Variants in GABRG3 observed in about 807,000 individuals in gnomAD.
The protein encoded by GABRG3 is gamma-aminobutyric acid type A receptor subunit gamma3.
A neutral mutation model predicts 48.8 loss-of-function variants in GABRG3; 25 were observed. That is an observed-to-expected ratio of 0.51 (90% CI 0.37 to 0.72). The LOEUF is 0.72. Among genes scored for constraint, GABRG3 ranks in the 30% least tolerant of loss-of-function variants. The pLI is 0.00. For missense variants in GABRG3, 394 were observed against 577.9 expected (o/e 0.68, Z 3.26); for synonymous variants, 227 against 217.6 (o/e 1.04, Z -0.38).
chr15:27,171,110 A>C (rs1183268384), intron 3 of GABRG3, among the ~76,000 whole-genome samples: 1 of 152,168 alleles, frequency 6.6e-6, no homozygotes, highest in Non-Finnish European at 1.5e-5. Context: ...CACAGCCATG[A>C]TGCTCAGGTT....
At chr15:27,218,968 C>T (rs1313621348) in intron 3 of GABRG3, among the ~76,000 whole-genome samples, 2 of 152,266 alleles carry the variant, frequency 1.3e-5, no homozygotes, top group Middle Eastern at 3.4e-3. Flanking sequence ...CCCCTGGTCT[C>T]CTCTCTCCCT....
At chr15:27,126,983 G>C (rs1243692491) in intron 3 of GABRG3, among the ~76,000 whole-genome samples, 1 of 152,124 alleles carries the variant, frequency 6.6e-6, no homozygotes, top group Non-Finnish European at 1.5e-5. Context: ...CATGGCCAGC[G>C]GAGAGATTGG....
intron 5 of GABRG3, among the ~76,000 whole-genome samples, chr15:27,455,082 T>C (rs1053846423): frequency 5.3e-5 from 8 of 152,240 alleles, no homozygotes; most frequent in African/African-American, 1.9e-4. Flanking sequence ...ATAATGTTCT[T>C]CCTGAGGCCT....
At chr15:27,368,894 A>G (rs185421206) in intron 5 of GABRG3, among the ~76,000 whole-genome samples, 21 of 152,312 alleles carry the variant, frequency 1.4e-4, no homozygotes, top group South Asian at 8.3e-4. Flanking sequence ...GCCTCTCCCA[A>G]TGAAGCTCCA....
intron 5 of GABRG3, among the ~76,000 whole-genome samples, chr15:27,396,638 C>A (rs1480286413): frequency 2.0e-5 from 3 of 152,146 alleles, no homozygotes; most frequent in Admixed American, 6.5e-5. Flanking sequence ...ATTCTCATTT[C>A]TAGGAAATGG....
intron 3 of GABRG3, among the ~76,000 whole-genome samples, chr15:27,191,487 T>A (rs1888302981): frequency 6.6e-6 from 1 of 152,214 alleles, no homozygotes; most frequent in Non-Finnish European, 1.5e-5. Context: ...AATGGCCTTC[T>A]TTGTCTCTTT....
At chr15:27,258,194 A>G (rs990689216) in intron 3 of GABRG3, among the ~76,000 whole-genome samples, 3 of 152,180 alleles carry the variant, frequency 2.0e-5, no homozygotes, top group Non-Finnish European at 4.4e-5. Flanking sequence ...TCAGGCACCC[A>G]TGGTTAGTGG....
intron 2 of GABRG3, among the ~76,000 whole-genome samples, chr15:27,011,548 C>G (rs1895686789): frequency 6.6e-6 from 1 of 152,194 alleles, no homozygotes; most frequent in African/African-American, 2.4e-5. Flanking sequence ...CAGGATACTA[C>G]TTAGATCTAC....
At position 27,275,109 on chromosome 15, in the gene GABRG3, C is replaced by T. The variant is rs551521423; in HGVS notation, c.271-51700C>T. On this transcript the variant is annotated intron_variant, in intron 3 of 9. Coordinates refer to ENST00000615808, the MANE Select transcript of GABRG3 (RefSeq NM_033223.5). ...TAGTGAATTTGCTTAACCATGACCTCTAGGATTTAAGCAACAATAAAATGT... is the reference window on the plus strand; with the variant it reads ...TAGTGAATTTGCTTAACCATGACCTTTAGGATTTAAGCAACAATAAAATGT... Among the ~76,000 whole-genome samples, 7 of 152,214 alleles carry T rather than the reference C, an allele frequency of 4.6e-5. No individual in the cohort carries two copies. In the East Asian group the frequency reaches 1.2e-3, roughly 25 times the overall value.
At chr15:27,280,109 A>AT (rs946499851) in intron 3 of GABRG3, among the ~76,000 whole-genome samples, 4 of 150,406 alleles carry the variant, frequency 2.7e-5, no homozygotes, top group African/African-American at 7.3e-5. Flanking sequence ...TCCCCTACTG[A>AT]TTTTTTTCCA....
intron 6 of GABRG3, among the ~76,000 whole-genome samples, chr15:27,500,993 C>T (rs1890613667): frequency 6.9e-6 from 1 of 145,462 alleles, no homozygotes; most frequent in Non-Finnish European, 1.5e-5. Flanking sequence ...CACTCTGTCC[C>T]CAGGCTGGAG....
chr15:27,343,017 A>G (rs997728625), intron 5 of GABRG3, among the ~76,000 whole-genome samples: 1 of 152,142 alleles, frequency 6.6e-6, no homozygotes, highest in Non-Finnish European at 1.5e-5. Context: ...CTCAAAACAG[A>G]CTTGCTACCA....
rs556839732 is a variant in GABRG3 at position 27,169,992 on chromosome 15, A to G, written c.270+143171A>G. ...GTATCCGGGAAAATACCTTTTAAAA[A>G]TAAAGGTCAGATAAAGCTATTTTAT... is the stretch of plus-strand genomic sequence containing the variant. On this transcript the variant is annotated intron_variant, in intron 3 of 9. Transcript: ENST00000615808. Among the ~76,000 whole-genome samples the G allele has an allele frequency of 4.6e-5, 7 of 152,316 alleles. No individual in the cohort carries two copies. The East Asian group carries it at 1.2e-3, about 25-fold the overall frequency.
At position 27,316,299 on chromosome 15, in the gene GABRG3, A is replaced by G. The variant is rs947895668; in HGVS notation, c.271-10510A>G. On this transcript the variant is annotated intron_variant, in intron 3 of 9. Coordinates refer to ENST00000615808, the MANE Select transcript of GABRG3 (RefSeq NM_033223.5). ...GCTACTTGGGAGGCTGAGGCAGGAG[A>G]ATGGCGTGAACCCGGGAGGCAGAGC... 2.0e-5 allele frequency among the ~76,000 whole-genome samples: 3 copies of G among 150,012 alleles called. No homozygotes were observed. In the East Asian group the frequency reaches 6.0e-4, roughly 30 times the overall value.
At chr15:27,187,087 T>C (rs944153123) in intron 3 of GABRG3, among the ~76,000 whole-genome samples, 3 of 152,172 alleles carry the variant, frequency 2.0e-5, no homozygotes, top group African/African-American at 7.2e-5. Context: ...CATCTTGAGT[T>C]GATTTTTATA....
intron 2 of GABRG3, among the ~76,000 whole-genome samples, chr15:26,979,870 C>T (rs1055072582): frequency 2.6e-5 from 4 of 152,156 alleles, no homozygotes; most frequent in Non-Finnish European, 5.9e-5. Context: ...TGGGTTGGGA[C>T]GTACTCCCTC....
At chr15:27,072,430 G>C (rs939079486) in intron 3 of GABRG3, among the ~76,000 whole-genome samples, 1 of 151,812 alleles carries the variant, frequency 6.6e-6, no homozygotes, top group Non-Finnish European at 1.5e-5. Context: ...CTTAGTCCAA[G>C]ATTCTAGAGG....
chr15:27,079,077 G>A (rs1256998626), intron 3 of GABRG3, among the ~76,000 whole-genome samples: 1 of 152,148 alleles, frequency 6.6e-6, no homozygotes, highest in Non-Finnish European at 1.5e-5. Flanking sequence ...GAAGCTGACA[G>A]AAGGCATAGA....
intron 3 of GABRG3, among the ~76,000 whole-genome samples, chr15:27,197,305 A>G (rs991427241): frequency 6.6e-5 from 10 of 152,184 alleles, no homozygotes; most frequent in Non-Finnish European, 1.2e-4. Flanking sequence ...TTAAAATTCA[A>G]TGTTAGCTAC....
Sources: allele counts gnomAD v4.1 joint callset (sites outside exome capture counted in the v4.1 genomes callset), GRCh38; gene constraint gnomAD v4.1.1; transcripts MANE v1.5; gene names NCBI Gene and HGNC (gene_info 2026-07-23, HGNC 2026-07-21).